SEMA4F: variants seen among roughly 807,000 people sequenced by gnomAD.
SEMA4F encodes the protein ssemaphorin 4F, also known as semaphorin-4F.
Under a neutral mutation model 78.4 loss-of-function variants are expected in SEMA4F, and 51 were observed. The ratio of observed to expected loss-of-function variants is 0.65; its 90% CI spans 0.52 to 0.82. SEMA4F has a LOEUF of 0.82. SEMA4F is among the 40% of genes least tolerant of loss of function. SEMA4F has a pLI of 0.00. For synonymous variants in SEMA4F, 418 were observed against 408.7 expected (o/e 1.02, Z -0.27); for missense variants, 938 against 1,014.4 (o/e 0.92, Z 1.02).
the SEMA4F span, among the ~76,000 whole-genome samples, chr2:74,707,490 G>GTT: frequency 3.8e-5 from 5 of 131,530 alleles, no homozygotes; most frequent in Non-Finnish European, 3.1e-5. Flanking sequence ...TTTTATGAAA[G>GTT]TTTTTTTTTT....
intron 12 of SEMA4F, 22 bp from the exon 13 acceptor site, chr2:74,679,254 C>T: frequency 6.3e-7 from 1 of 1,592,674 alleles, no homozygotes; most frequent in Non-Finnish European, 8.6e-7. Context: ...ACTGGATTTA[C>T]CAAGCATTCT....
At chr2:74,662,053 TCCTTGC>T (rs1391876570) in intron 4 of SEMA4F, among the ~76,000 whole-genome samples, 1 of 152,196 alleles carries the variant, frequency 6.6e-6, no homozygotes, top group Non-Finnish European at 1.5e-5. Flanking sequence ...CACCTCTTGT[TCCTTGC>T]CCATGTCAGT....
At chr2:74,657,509 C>T (rs1018537640) in intron 2 of SEMA4F, 56 bp from the exon 3 acceptor site, 44 of 1,529,864 alleles carry the variant, frequency 2.9e-5, no homozygotes, top group Admixed American at 2.5e-4. Flanking sequence ...CCTCTAACAT[C>T]GAGGGAGTTT....
At chr2:74,698,645 C>T in the SEMA4F span, among the ~76,000 whole-genome samples, 10 of 152,306 alleles carry the variant, frequency 6.6e-5, no homozygotes, top group African/African-American at 1.2e-4. Flanking sequence ...TACTGCAATA[C>T]GAGTCATGCC....
At chr2:74,684,808 C>T (rs1251250340), downstream of SEMA4F, among the ~76,000 whole-genome samples, 1 of 152,158 alleles carries the variant, frequency 6.6e-6, no homozygotes, top group Non-Finnish European at 1.5e-5. Flanking sequence ...TCAAAAAATA[C>T]AAAAGTTAGC....
the SEMA4F span, among the ~76,000 whole-genome samples, chr2:74,707,504 TA>T: frequency 0.28 from 41,876 of 150,878 alleles, 8,652 homozygotes; most frequent in East Asian, 0.81. Flanking sequence ...TTTTTTTTTT[TA>T]AAAAGGTTAA....
intron 12 of SEMA4F, among the ~76,000 whole-genome samples, chr2:74,677,258 AGAATTGTATAAT>A: frequency 6.6e-6 from 1 of 152,324 alleles, no homozygotes; most frequent in South Asian, 2.1e-4. Flanking sequence ...AAAAGTAGAG[AGAATTGTATAAT>A]GAATTTCCAT....
the SEMA4F span, among the ~76,000 whole-genome samples, chr2:74,691,565 T>C: frequency 0.35 from 53,224 of 152,140 alleles, 15,060 homozygotes; most frequent in East Asian, 0.82. Flanking sequence ...AAACCTTGCA[T>C]GTTATCAATT....
At chr2:74,667,630 A>T (rs947329390) in intron 5 of SEMA4F, among the ~76,000 whole-genome samples, 1 of 152,258 alleles carries the variant, frequency 6.6e-6, no homozygotes, top group Non-Finnish European at 1.5e-5. Context: ...CTATACTTAG[A>T]TACAATTAAG....
chr2:74,665,459 GACCTCGTGATCTGCCC>G lies in SEMA4F; in HGVS notation c.550+2641_550+2656del, dbSNP rs1369484088. On this transcript the variant is annotated intron_variant, in intron 5 of 13. Coordinates refer to ENST00000357877, the MANE Select transcript of SEMA4F (RefSeq NM_004263.5). ...TTAGTCAGGATGGTCTCAATCTCCT[GACCTCGTGATCTGCCC>G]ACCTCGGCATCTCAAGGTGCTGGGA... is the stretch of plus-strand genomic sequence containing the variant. Among the ~76,000 whole-genome samples, 3 of 151,972 alleles carry G rather than the reference GACCTCGTGATCTGCCC, an allele frequency of 2.0e-5. No individual in the cohort carries two copies. In the East Asian group the frequency reaches 5.8e-4, roughly 29 times the overall value.
At position 74,673,796 on chromosome 2, in the gene SEMA4F, A is replaced by G. The variant is rs773122728; in HGVS notation, c.790A>G (p.Ile264Val). The change falls in exon 7 of 14, where the codon ATT becomes GTT. Residue 264 changes from isoleucine (I) to valine (V), a missense_variant. Transcript: ENST00000357877. The stretch of plus-strand genomic sequence containing the variant: ...CCGAGCATTTGACTCATACGAGCGC[A>G]TTAAAGTCCCACGGGTGGCCCGTGT... ...TSRAFDSYER[I>V]KVPRVARVCA... The G allele has an allele frequency of 1.2e-6, 2 of 1,614,156 alleles. No homozygotes were observed. The highest frequency in any genetic ancestry group is 1.3e-5 in the African/African-American group (1 of 75,054).
At chr2:74,686,895 G>A (rs1458229834), downstream of SEMA4F, among the ~76,000 whole-genome samples, 2 of 151,736 alleles carry the variant, frequency 1.3e-5, no homozygotes, top group Admixed American at 1.3e-4. Flanking sequence ...GGGGCTGAGG[G>A]TGGAATAACA....
chr2:74,654,349 CCG>C lies in SEMA4F; in HGVS notation c.-26_-25del, dbSNP rs769196997. 20 of 1,458,682 alleles carry C rather than the reference CCG, an allele frequency of 1.4e-5. No individual in the cohort carries two copies. Among genetic ancestry groups the C allele is most frequent in the Middle Eastern group, 2.4e-4 (1 of 4,114 alleles). The allele number at this position is 1,458,682 out of a possible 1,614,324, so 90.4% of individuals were successfully genotyped here. The stretch of plus-strand genomic sequence containing the variant: ...CCCTGAGCAGAGGCCGTAGCTTGCG[CCG>C]CACCCGCGGCCAGGCGGAGCCAAAG... On this transcript the variant is annotated 5_prime_UTR_variant, in exon 1 of 14. Transcript: ENST00000357877.
chr2:74,671,770 G>A (rs923656148), intron 5 of SEMA4F, among the ~76,000 whole-genome samples: 3 of 152,138 alleles, frequency 2.0e-5, no homozygotes, highest in African/African-American at 7.2e-5. Flanking sequence ...TCTTTTATGG[G>A]CCTTATTCTA....
At chr2:74,706,573 GT>G in the SEMA4F span, among the ~76,000 whole-genome samples, 1 of 152,204 alleles carries the variant, frequency 6.6e-6, no homozygotes, top group Non-Finnish European at 1.5e-5. Context: ...GCCAAAGAAT[GT>G]GGGTGCAGTG....
chr2:74,692,642 G>A, the SEMA4F span, among the ~76,000 whole-genome samples: 3 of 152,196 alleles, frequency 2.0e-5, no homozygotes, highest in Middle Eastern at 3.2e-3. Context: ...CTAGGATAGG[G>A]CTAGGACTGG....
chr2:74,696,825 C>T, the SEMA4F span, among the ~76,000 whole-genome samples: 2 of 152,172 alleles, frequency 1.3e-5, no homozygotes, highest in Non-Finnish European at 2.9e-5. Flanking sequence ...CACATAAGTG[C>T]ATAGAAAGTG....
At chr2:74,687,467 A>C (rs1685846703), downstream of SEMA4F, among the ~76,000 whole-genome samples, 1 of 152,272 alleles carries the variant, frequency 6.6e-6, no homozygotes, top group South Asian at 2.1e-4. Flanking sequence ...TGAAAGCCTG[A>C]ACTATGGCTT....
In SEMA4F at chr2:74,680,187, C is replaced by T; in HGVS notation, c.2291C>T (p.Thr764Ile). 2 of 1,581,642 alleles carry T rather than the reference C, an allele frequency of 1.3e-6. No homozygotes were observed. The highest frequency in any genetic ancestry group is 2.3e-5 in the South Asian group (2 of 87,182). ...HIRLTGAPLA[T>I]CDETSI ...CGGCTAACTGGGGCTCCTCTAGCCA[C>T]ATGTGATGAAACATCCATCTAGAGC... The change falls in exon 14 of 14, where the codon ACA becomes ATA. Residue 764 changes from threonine to isoleucine, a missense_variant. Thr to Ile is a moderately conservative substitution (Grantham distance 89). Coordinates refer to ENST00000357877, the MANE Select transcript of SEMA4F (RefSeq NM_004263.5).
Sources: allele counts gnomAD v4.1 joint callset (sites outside exome capture counted in the v4.1 genomes callset), GRCh38; gene constraint gnomAD v4.1.1; transcripts MANE v1.5; gene names NCBI Gene and HGNC (gene_info 2026-07-23, HGNC 2026-07-21).